Variants in TBC1D8B observed in about 807,000 individuals in gnomAD.
TBC1D8B encodes TBC1 domain family member 8B.
Under a neutral mutation model 82.9 loss-of-function variants are expected in TBC1D8B, and 75 were observed. The observed-to-expected ratio is 0.90, with a 90% CI of 0.75 to 1.10. TBC1D8B has a LOEUF of 1.10. Ranked by LOEUF, TBC1D8B falls within the 50% of genes least tolerant of loss-of-function variation. The pLI is 0.00. For missense variants in TBC1D8B, 794 were observed against 796.9 expected (o/e 1.00, Z 0.04); for synonymous variants, 276 against 276.8 (o/e 1.00, Z 0.03).
In TBC1D8B at chrX:106,823,212, C is replaced by A. The variant is rs767288647; in HGVS notation, c.587-14C>A. 8.3e-7 allele frequency: 1 copy of A among 1,198,000 alleles called. No individual in the cohort carries two copies. The highest frequency in any genetic ancestry group is 1.1e-6 in the Non-Finnish European group (1 of 886,511). Reference sequence around the variant, plus strand: ...GAAAATTTAATCATACCTGCTTATACCTCTTATTTGCAGTAAAACTCATTA... The same window carrying A: ...GAAAATTTAATCATACCTGCTTATAACTCTTATTTGCAGTAAAACTCATTA... On this transcript the variant is annotated splice_polypyrimidine_tract_variant and intron_variant, in intron 4 of 20. Coordinates refer to ENST00000357242, the MANE Select transcript of TBC1D8B (RefSeq NM_017752.3).
chrX:106,854,693 T>G (rs963021687), intron 14 of TBC1D8B, among the ~76,000 whole-genome samples: 7 of 110,271 alleles, frequency 6.3e-5, no homozygotes, highest in African/African-American at 2.3e-4. Flanking sequence ...TTTAAATTTT[T>G]TTTTTAGAGA....
intron 10 of TBC1D8B, among the ~76,000 whole-genome samples, chrX:106,843,190 C>A (rs955198641): frequency 9.0e-6 from 1 of 111,303 alleles, no homozygotes; most frequent in East Asian, 2.8e-4. Context: ...CTTTATTATT[C>A]TTGTGGGTAA....
intron 14 of TBC1D8B, among the ~76,000 whole-genome samples, chrX:106,859,948 G>A (rs1358347354): frequency 1.8e-5 from 2 of 111,991 alleles, no homozygotes; most frequent in African/African-American, 3.2e-5. Context: ...CTATTGAGAC[G>A]ATCGTGTGGT....
intron 5 of TBC1D8B, 123 bp from the exon 6 acceptor site, chrX:106,825,907 G>A (rs1157715264): frequency 2.1e-6 from 1 of 475,726 alleles, no homozygotes; most frequent in South Asian, 6.8e-5. Flanking sequence ...GAAAAATATA[G>A]CATTTTTAGT....
At chrX:106,810,360 G>C (rs1327649066) in intron 1 of TBC1D8B, among the ~76,000 whole-genome samples, 1 of 111,697 alleles carries the variant, frequency 9.0e-6, no homozygotes, top group Non-Finnish European at 1.9e-5. Flanking sequence ...AACAGTTGTT[G>C]GGGACACAGC....
intron 6 of TBC1D8B, 95 bp from the exon 7 acceptor site, chrX:106,827,075 C>A: frequency 9.8e-7 from 1 of 1,018,193 alleles, no homozygotes. Flanking sequence ...TAGACCAAAA[C>A]TTTTGGCCAC....
intron 19 of TBC1D8B, 102 bp from the exon 20 acceptor site, chrX:106,870,614 T>C (rs1445369115): frequency 2.0e-6 from 1 of 498,526 alleles, no homozygotes; most frequent in Admixed American, 4.2e-5. Context: ...AATGGGATCT[T>C]ATATCTCAGT....
At chrX:106,872,464 T>G in intron 20 of TBC1D8B, among the ~76,000 whole-genome samples, 1 of 93,362 alleles carries the variant, frequency 1.1e-5, no homozygotes, top group Non-Finnish European at 2.1e-5. Context: ...TTTATATATA[T>G]ATATATATAT....
chrX:106,874,713 G>C lies in TBC1D8B; in HGVS notation c.*748G>C, dbSNP rs1344026319. The C allele has an allele frequency of 9.0e-6, 1 of 111,457 alleles. No homozygotes were observed. Among genetic ancestry groups the C allele is most frequent in the Non-Finnish European group, 1.9e-5 (1 of 53,110 alleles). The allele number at this position is 111,457 out of a possible 1,213,427, so 9.2% of individuals were successfully genotyped here. On this transcript the variant is annotated 3_prime_UTR_variant, in exon 21 of 21. Transcript: ENST00000357242. ...AATCTGGGTAAAATCAGCCTTCTGAGAAGGGCTAAGAAACAGTTCAATTAA... is the reference window on the plus strand; with the variant it reads ...AATCTGGGTAAAATCAGCCTTCTGACAAGGGCTAAGAAACAGTTCAATTAA...
At chrX:106,811,688 T>A (rs908761526) in intron 1 of TBC1D8B, among the ~76,000 whole-genome samples, 2 of 112,143 alleles carry the variant, frequency 1.8e-5, no homozygotes, top group Non-Finnish European at 3.8e-5. Flanking sequence ...TCATTTGCTA[T>A]CATATTTGCT....
intron 2 of TBC1D8B, among the ~76,000 whole-genome samples, chrX:106,819,423 T>A (rs1931637054): frequency 9.0e-6 from 1 of 111,311 alleles, no homozygotes; most frequent in South Asian, 3.7e-4. Context: ...TCTTACTTCC[T>A]TTTATGATGC....
At chrX:106,809,030 C>G (rs1230365996) in intron 1 of TBC1D8B, among the ~76,000 whole-genome samples, 1 of 111,790 alleles carries the variant, frequency 8.9e-6, no homozygotes, top group Non-Finnish European at 1.9e-5. Flanking sequence ...ATGTTTGCCA[C>G]ATTGCTGTAC....
chrX:106,827,543 C>T, intron 7 of TBC1D8B: 2 of 365,076 alleles, frequency 5.5e-6, no homozygotes, highest in Middle Eastern at 7.8e-4. Flanking sequence ...GGAACCCATA[C>T]ATTATAAAAT....
chrX:106,863,898 C>T (rs763051624), intron 14 of TBC1D8B, among the ~76,000 whole-genome samples: 1 of 111,402 alleles, frequency 9.0e-6, no homozygotes, highest in African/African-American at 3.3e-5. Context: ...TGGGGTCGTC[C>T]GCCCTGCCGT....
intron 7 of TBC1D8B, chrX:106,829,362 T>C (rs1168233246): frequency 3.8e-5 from 4 of 104,045 alleles, no homozygotes; most frequent in Non-Finnish European, 7.7e-5. Context: ...AAAATGGCCA[T>C]ACTGCCCAAG....
intron 14 of TBC1D8B, among the ~76,000 whole-genome samples, chrX:106,861,437 T>C (rs1345136375): frequency 8.9e-6 from 1 of 112,221 alleles, no homozygotes; most frequent in Non-Finnish European, 1.9e-5. Flanking sequence ...TTAAGATAGA[T>C]GTCTTCTTGT....
chrX:106,835,058 G>A (rs192655364), intron 7 of TBC1D8B, among the ~76,000 whole-genome samples: 20 of 111,903 alleles, frequency 1.8e-4, no homozygotes, highest in South Asian at 7.4e-4. Flanking sequence ...TGGGGGCTCC[G>A]ACCCCACATT....
chrX:106,816,319 A>T (rs1025766877), intron 1 of TBC1D8B, among the ~76,000 whole-genome samples: 2 of 111,739 alleles, frequency 1.8e-5, no homozygotes, highest in Non-Finnish European at 3.8e-5. Flanking sequence ...TGCTTCAAAG[A>T]GAATAAAATG....
Position 106,826,253 on chromosome X carries a change from T to A in TBC1D8B, c.1035+16T>A, listed in dbSNP as rs763351755. On this transcript the variant is annotated intron_variant, in intron 6 of 20. Transcript: ENST00000357242. ...ACTACGAGAGGTAATGTAAATTTGG[T>A]TACATATCAGTTTTTAGTTTGAAAA... is the stretch of plus-strand genomic sequence containing the variant. 2.5e-6 allele frequency: 3 copies of A among 1,184,146 alleles called. No individual in the cohort carries two copies. Among genetic ancestry groups the A allele is most frequent in the Non-Finnish European group, 3.4e-6 (3 of 873,858 alleles).
Sources: allele counts gnomAD v4.1 joint callset (sites outside exome capture counted in the v4.1 genomes callset), GRCh38; gene constraint gnomAD v4.1.1; transcripts MANE v1.5; gene names NCBI Gene and HGNC (gene_info 2026-07-23, HGNC 2026-07-21).